The following LRIF1 variants were observed in gnomAD, a reference collection of about 807,000 sequenced individuals.
LRIF1 encodes ligand-dependent nuclear receptor-interacting factor 1.
LRIF1 carries 32 observed loss-of-function variants against 52.7 expected under a neutral mutation model. That is an observed-to-expected ratio of 0.61 (90% CI 0.46 to 0.82). LRIF1 has a LOEUF of 0.82. Ranked by LOEUF, LRIF1 falls within the 40% of genes least tolerant of loss-of-function variation. The pLI is 0.00. For missense variants in LRIF1, 887 were observed against 892.0 expected (o/e 0.99, Z 0.07); for synonymous variants, 323 against 317.4 (o/e 1.02, Z -0.19).
At chr1:110,921,981 C>T in the LRIF1 span, among the ~76,000 whole-genome samples, 4 of 152,192 alleles carry the variant, frequency 2.6e-5, no homozygotes, top group Non-Finnish European at 4.4e-5. Flanking sequence ...TCCCACCCTA[C>T]AACCTTATGT....
chr1:110,891,813 C>G, the LRIF1 span, among the ~76,000 whole-genome samples: 1 of 152,072 alleles, frequency 6.6e-6, no homozygotes, highest in Non-Finnish European at 1.5e-5. Flanking sequence ...TTTCTAGATT[C>G]CTTGAAACAA....
chr1:110,926,051 A>T, the LRIF1 span, among the ~76,000 whole-genome samples: 2 of 152,166 alleles, frequency 1.3e-5, no homozygotes, highest in Admixed American at 1.3e-4. Flanking sequence ...TGGATGGAAA[A>T]GATTGGTAAA....
In LRIF1 at chr1:110,952,288, G is replaced by A; in HGVS notation, c.596C>T (p.Ser199Leu). The A allele has an allele frequency of 2.5e-6, 4 of 1,614,186 alleles. No individual in the cohort carries two copies. The highest frequency in any genetic ancestry group is 3.4e-6 in the Non-Finnish European group (4 of 1,180,036). The change falls in exon 2 of 4, where the codon TCA (serine) becomes TTA (leucine). Residue 199 changes from serine to leucine, a missense_variant. Coordinates refer to ENST00000369763, the MANE Select transcript of LRIF1 (RefSeq NM_018372.4). Reference sequence around the variant, plus strand: ...TTGCTGCACTGAAGGAGGCAATGATGACGCTGGTACAGATTTCACTTCAGC... The same window carrying A: ...TTGCTGCACTGAAGGAGGCAATGATAACGCTGGTACAGATTTCACTTCAGC... ...AHAEVKSVPASSLPPSVQQKI... is the reference protein window; with the variant it reads ...AHAEVKSVPALSLPPSVQQKI...
chr1:110,894,501 G>T, the LRIF1 span: 1 of 931,672 alleles, frequency 1.1e-6, no homozygotes, highest in Non-Finnish European at 1.7e-6. Flanking sequence ...CTATAATAGA[G>T]ATAGAAATGA....
intron 1 of LRIF1, among the ~76,000 whole-genome samples, chr1:110,959,316 T>C (rs1393726809): frequency 6.6e-6 from 1 of 152,244 alleles, no homozygotes; most frequent in Non-Finnish European, 1.5e-5. Context: ...AATCTGTTTC[T>C]TCATTTGTTA....
At chr1:110,918,145 TAC>T in the LRIF1 span, among the ~76,000 whole-genome samples, 1 of 152,112 alleles carries the variant, frequency 6.6e-6, no homozygotes, top group South Asian at 2.1e-4. Flanking sequence ...CAAACATAAA[TAC>T]ACACACATAC....
chr1:110,949,943 A>G lies in LRIF1; in HGVS notation c.1777T>C (p.Ser593Pro), dbSNP rs766852426. 2 of 1,614,132 alleles carry G rather than the reference A, an allele frequency of 1.2e-6. No homozygotes were observed. Among genetic ancestry groups the G allele is most frequent in the Admixed American group, 1.7e-5 (1 of 60,014 alleles). ...CTAAAGGAATCGAAACCTTCTCCAG[A>G]GGTCAAATGGTCAGGAATTCGAGTA... ...CLTRIPDHLTSGEGFDSFSSL... is the reference protein window; with the variant it reads ...CLTRIPDHLTPGEGFDSFSSL... Residue 593 changes from serine to proline, a missense_variant, in exon 3 of 4, where the codon TCT becomes CCT. Physicochemically the swap from Ser to Pro is moderately conservative, Grantham distance 74 (BLOSUM62 -1). Coordinates refer to ENST00000369763, the MANE Select transcript of LRIF1 (RefSeq NM_018372.4).
Position 110,963,808 on chromosome 1 carries a change from G to A in LRIF1, c.-120C>T. ...GGCTGGAGTTGCCCACAGCAACTGTGAGGGGTTCGACCTTAACGGAGGGCG... is the reference window on the plus strand; with the variant it reads ...GGCTGGAGTTGCCCACAGCAACTGTAAGGGGTTCGACCTTAACGGAGGGCG... On this transcript the variant is annotated 5_prime_UTR_variant, in exon 1 of 4. Transcript: ENST00000369763. 1 of 748,746 alleles carries A rather than the reference G, an allele frequency of 1.3e-6. No individual in the cohort carries two copies. Among genetic ancestry groups the A allele is most frequent in the East Asian group, 2.8e-5 (1 of 35,594 alleles). The allele number at this position is 748,746 out of a possible 1,614,324, so 46.4% of individuals were successfully genotyped here. A position where few individuals can be genotyped will look rare whatever the true frequency, so the allele number is the denominator to read the frequency against.
At chr1:110,925,878 T>C in the LRIF1 span, among the ~76,000 whole-genome samples, 6 of 152,164 alleles carry the variant, frequency 3.9e-5, no homozygotes, top group East Asian at 1.2e-3. Flanking sequence ...ATGCTAACAA[T>C]AATCAGGTAG....
the LRIF1 span, among the ~76,000 whole-genome samples, chr1:110,890,043 A>C: frequency 6.6e-6 from 1 of 152,332 alleles, no homozygotes; most frequent in Non-Finnish European, 1.5e-5. Context: ...GAAGTAGCTC[A>C]TCAGGCTTAT....
At chr1:110,887,050 C>T in the LRIF1 span, among the ~76,000 whole-genome samples, 1 of 91,084 alleles carries the variant, frequency 1.1e-5, no homozygotes. Flanking sequence ...TTCCATGTCT[C>T]TATTTATGTT....
At chr1:110,935,840 C>A in the LRIF1 span, among the ~76,000 whole-genome samples, 1 of 151,532 alleles carries the variant, frequency 6.6e-6, no homozygotes, top group Non-Finnish European at 1.5e-5. Context: ...TATCCATATA[C>A]AAGAATGTTA....
At position 110,951,774 on chromosome 1, in the gene LRIF1, CT is replaced by C; in HGVS notation, c.1109del (p.Lys370ArgfsTer22). The C allele has an allele frequency of 6.2e-7, 1 of 1,612,722 alleles. No individual in the cohort carries two copies. The part of the protein sequence containing the change: ...FNGKVYLLAK[K>X]GTDVLPSQID... Reference sequence around the variant, plus strand: ...TTTGTGATGGCAGAACATCTGTCCCCTTTTTAGCCAACAGATAGACTTTCCC... The same window carrying C: ...TTTGTGATGGCAGAACATCTGTCCCCTTTTAGCCAACAGATAGACTTTCCC... On this transcript the variant is annotated frameshift_variant, in exon 2 of 4. Coordinates refer to ENST00000369763, the MANE Select transcript of LRIF1 (RefSeq NM_018372.4). LOFTEE classifies it high-confidence loss of function.
chr1:110,959,264 T>G (rs1045820668), intron 1 of LRIF1, among the ~76,000 whole-genome samples: 2 of 152,230 alleles, frequency 1.3e-5, no homozygotes, highest in Non-Finnish European at 2.9e-5. Context: ...ATTCTGGTTC[T>G]TATAATTACA....
At chr1:110,953,567 A>G (rs898875978) in intron 1 of LRIF1, among the ~76,000 whole-genome samples, 3 of 152,196 alleles carry the variant, frequency 2.0e-5, no homozygotes, top group African/African-American at 7.2e-5. Context: ...TTTTAACTGA[A>G]TCAATTCTGA....
At chr1:110,896,571 G>A in the LRIF1 span, 3 of 1,291,816 alleles carry the variant, frequency 2.3e-6, no homozygotes, top group South Asian at 1.2e-5. Flanking sequence ...GATCTGAAGG[G>A]CACACCTTTT....
the LRIF1 span, among the ~76,000 whole-genome samples, chr1:110,877,078 T>C: frequency 1.3e-5 from 2 of 152,202 alleles, no homozygotes; most frequent in African/African-American, 2.4e-5. Context: ...ACCAATTACC[T>C]CTTTAATATT....
the LRIF1 span, among the ~76,000 whole-genome samples, chr1:110,917,016 C>T: frequency 2.6e-5 from 4 of 152,194 alleles, no homozygotes; most frequent in Non-Finnish European, 4.4e-5. Flanking sequence ...GTTTTTTACA[C>T]TAGCGAGTTC....
chr1:110,948,099 A>C lies in LRIF1; in HGVS notation c.2170T>G (p.Tyr724Asp). ...GTCACTGGGAAAATATCTTCGGTAT[A>C]ATTTTTATTGAAGAAATGACTTTGT... is the stretch of plus-strand genomic sequence containing the variant. Reference protein sequence around the residue: ...YEQSHFFNKNYTEDIFPVTPP... With the variant: ...YEQSHFFNKNDTEDIFPVTPP... Residue 724 changes from tyrosine (Y) to aspartate (D), a missense_variant, in exon 4 of 4, where the codon TAT (tyrosine) becomes GAT (aspartate). Physicochemically the swap from Tyr to Asp is radical, Grantham distance 160 (BLOSUM62 -3). Transcript: ENST00000369763. 6.2e-7 allele frequency: 1 copy of C among 1,614,068 alleles called. No individual in the cohort carries two copies. Among genetic ancestry groups the C allele is most frequent in the South Asian group, 1.1e-5 (1 of 91,082 alleles).
Sources: gnomAD v4.1 joint callset for allele counts (sites outside exome capture counted in the v4.1 genomes callset) on GRCh38, gnomAD v4.1.1 for gene constraint, MANE v1.5 for transcripts, NCBI Gene and HGNC (gene_info 2026-07-23, HGNC 2026-07-21) for gene names.